OTOGL: variants seen among roughly 807,000 people sequenced by gnomAD.
OTOGL encodes otogelin-like protein.
OTOGL carries 285 observed loss-of-function variants against 318.5 expected under a neutral mutation model. The observed-to-expected ratio is 0.89, with a 90% CI of 0.81 to 0.99. The LOEUF (loss-of-function observed/expected upper bound fraction) is 0.99, where lower values mean the gene tolerates loss of function less well. OTOGL is among the 50% of genes least tolerant of loss of function. The pLI, the probability that OTOGL is intolerant of heterozygous loss-of-function variation, is 0.00. For missense variants in OTOGL, 2,899 were observed against 2,845.6 expected, an observed-to-expected ratio of 1.02 and a Z score of -0.43; for synonymous variants, 987 against 936.5, an observed-to-expected ratio of 1.05 and a Z score of -0.99.
intron 17 of OTOGL, among the ~76,000 whole-genome samples, chr12:80,257,568 A>G (rs1882166619): frequency 6.6e-6 from 1 of 152,060 alleles, no homozygotes; most frequent in African/African-American, 2.4e-5. Flanking sequence ...TTGCAAACTG[A>G]AAGTATGTAT....
chr12:80,344,533 T>C (rs943817589), intron 44 of OTOGL, among the ~76,000 whole-genome samples: 1 of 152,126 alleles, frequency 6.6e-6, no homozygotes, highest in South Asian at 2.1e-4. Flanking sequence ...TTACTTAAAG[T>C]GTGTGGGTTT....
chr12:80,192,862 G>A (rs546372393), intron 1 of OTOGL, among the ~76,000 whole-genome samples: 2 of 152,156 alleles, frequency 1.3e-5, no homozygotes, highest in Non-Finnish European at 2.9e-5. Context: ...AGTACCGTGA[G>A]TATATAGTAT....
intron 57 of OTOGL, 30 bp downstream of exon 57, chr12:80,372,094 T>C: frequency 6.8e-7 from 1 of 1,463,880 alleles, no homozygotes; most frequent in Non-Finnish European, 9.2e-7. Flanking sequence ...ATGCATTTAC[T>C]TGATAGATTA....
chr12:80,348,900 T>C (rs1424517274), intron 44 of OTOGL, among the ~76,000 whole-genome samples: 1 of 152,168 alleles, frequency 6.6e-6, no homozygotes, highest in African/African-American at 2.4e-5. Flanking sequence ...TTCATCTTAC[T>C]CAAAGGCTTT....
intron 11 of OTOGL, among the ~76,000 whole-genome samples, chr12:80,242,352 A>G (rs1034137886): frequency 2.6e-5 from 4 of 152,134 alleles, no homozygotes; most frequent in Non-Finnish European, 4.4e-5. Context: ...TTTGTGGTAG[A>G]GAGGCTGGGT....
intron 1 of OTOGL, among the ~76,000 whole-genome samples, chr12:80,197,281 G>T (rs1421440251): frequency 1.3e-5 from 2 of 152,026 alleles, no homozygotes; most frequent in Non-Finnish European, 2.9e-5. Flanking sequence ...CAACCACCTT[G>T]TGTACCTGTT....
chr12:80,113,453 C>CT, intron 1 of OTOGL, among the ~76,000 whole-genome samples: 1 of 152,194 alleles, frequency 6.6e-6, no homozygotes, highest in East Asian at 1.9e-4. Flanking sequence ...TACGTTGTGT[C>CT]TTTTTTCTCA....
chr12:80,193,431 A>T (rs1441772105), intron 1 of OTOGL, among the ~76,000 whole-genome samples: 1 of 152,060 alleles, frequency 6.6e-6, no homozygotes, highest in African/African-American at 2.4e-5. Flanking sequence ...CAAGAGAATC[A>T]CTTGAACCTG....
chr12:80,122,723 C>T (rs892619830), intron 1 of OTOGL, among the ~76,000 whole-genome samples: 21 of 152,158 alleles, frequency 1.4e-4, no homozygotes, highest in African/African-American at 4.8e-4. Context: ...TGGGTTTCTG[C>T]TTCTTTATGG....
intron 50 of OTOGL, 63 bp from the exon 51 acceptor site, chr12:80,358,608 G>A (rs1382937643): frequency 7.0e-6 from 9 of 1,279,274 alleles, no homozygotes; most frequent in Admixed American, 2.0e-5. Context: ...GAACTAAATG[G>A]TAGGTAATGA....
intron 56 of OTOGL, among the ~76,000 whole-genome samples, chr12:80,371,062 G>C (rs979486954): frequency 6.6e-6 from 1 of 152,024 alleles, no homozygotes; most frequent in African/African-American, 2.4e-5. Flanking sequence ...TCATTCAACT[G>C]TAATGCATGC....
chr12:80,372,899 T>C (rs1890969832), intron 57 of OTOGL, among the ~76,000 whole-genome samples: 1 of 151,966 alleles, frequency 6.6e-6, no homozygotes, highest in Admixed American at 6.6e-5. Context: ...GTTGGCCAGG[T>C]TGGCCTCAAA....
chr12:80,266,743 A>T, intron 21 of OTOGL, 127 bp downstream of exon 21: 1 of 974,092 alleles, frequency 1.0e-6, no homozygotes, highest in Non-Finnish European at 1.5e-6. Context: ...TTTTTAAAAA[A>T]CCCTGCAAAT....
chr12:80,127,570 A>C (rs1267145151), intron 1 of OTOGL, among the ~76,000 whole-genome samples: 1 of 152,114 alleles, frequency 6.6e-6, no homozygotes, highest in African/African-American at 2.4e-5. Flanking sequence ...GTATTTCCTG[A>C]ATCTGAATGT....
At chr12:80,251,908 T>C in intron 12 of OTOGL, 109 bp downstream of exon 12, 1 of 1,202,590 alleles carries the variant, frequency 8.3e-7, no homozygotes, top group South Asian at 1.9e-5. Context: ...AAGGATTTGT[T>C]ATTGAGATAT....
At chr12:80,239,523 C>A in intron 11 of OTOGL, 84 bp downstream of exon 11, 1 of 923,472 alleles carries the variant, frequency 1.1e-6, no homozygotes, top group Non-Finnish European at 1.6e-6. Context: ...TTAACCATTT[C>A]AGCTGTTCAC....
intron 4 of OTOGL, 133 bp downstream of exon 4, chr12:80,212,130 G>A (rs1877309019): frequency 5.8e-6 from 5 of 865,572 alleles, no homozygotes; most frequent in Admixed American, 5.6e-5. Context: ...GGAGGAGGAA[G>A]AAGCAAAGTA....
At chr12:80,343,092 T>G (rs1410401081) in intron 44 of OTOGL, among the ~76,000 whole-genome samples, 1 of 152,096 alleles carries the variant, frequency 6.6e-6, no homozygotes, top group Non-Finnish European at 1.5e-5. Flanking sequence ...GCCAGGATGG[T>G]CTCGATCTCC....
intron 24 of OTOGL, among the ~76,000 whole-genome samples, chr12:80,275,422 C>T (rs1883727919): frequency 6.6e-6 from 1 of 151,854 alleles, no homozygotes; most frequent in Non-Finnish European, 1.5e-5. Flanking sequence ...CATGATAAAA[C>T]TTGAATGGAC....
Sources: gnomAD v4.1 joint callset for allele counts (sites outside exome capture counted in the v4.1 genomes callset) on GRCh38, gnomAD v4.1.1 for gene constraint, MANE v1.5 for transcripts, NCBI Gene and HGNC (gene_info 2026-07-23, HGNC 2026-07-21) for gene names.